SH3D19: variants seen among roughly 807,000 people sequenced by gnomAD.
SH3D19 encodes the protein SH3 domain-containing protein 19.
In SH3D19, 58 loss-of-function variants were observed where a neutral mutation model predicts 112.1. The observed-to-expected ratio is 0.52, with a 90% CI of 0.42 to 0.64. SH3D19 has a LOEUF of 0.64. Among genes scored for constraint, SH3D19 ranks in the 30% least tolerant of loss-of-function variants. The probability of loss-of-function intolerance (pLI) is 0.00; values close to 1 mark genes in which losing one functional copy is unlikely to be tolerated. For missense variants in SH3D19, 1,090 were observed against 1,263.4 expected (o/e 0.86, Z 2.08); for synonymous variants, 391 against 448.5 (o/e 0.87, Z 1.62).
chr4:151,309,241 A>G (rs1174234800), intron 1 of SH3D19, among the ~76,000 whole-genome samples: 1 of 152,178 alleles, frequency 6.6e-6, no homozygotes, highest in Non-Finnish European at 1.5e-5. Flanking sequence ...GAGCATGCCC[A>G]TTTCTTGCAA....
chr4:151,303,078 G>C (rs1728607016), intron 1 of SH3D19, among the ~76,000 whole-genome samples: 1 of 152,168 alleles, frequency 6.6e-6, no homozygotes, highest in East Asian at 1.9e-4. Context: ...AGGTTCTGTT[G>C]GGTCACAAGA....
At chr4:151,324,442 C>T (rs925843430) in intron 1 of SH3D19, among the ~76,000 whole-genome samples, 5 of 152,170 alleles carry the variant, frequency 3.3e-5, no homozygotes, top group Non-Finnish European at 7.4e-5. Flanking sequence ...GTTCTTCCCT[C>T]TTGTTTTCAG....
intron 1 of SH3D19, among the ~76,000 whole-genome samples, chr4:151,267,235 T>C (rs2149994087): frequency 6.6e-6 from 1 of 151,296 alleles, no homozygotes; most frequent in East Asian, 1.9e-4. Context: ...CTCATGAGGC[T>C]GAGGTGGGAG....
intron 9 of SH3D19, among the ~76,000 whole-genome samples, chr4:151,151,902 T>C (rs961451614): frequency 3.3e-5 from 5 of 152,196 alleles, no homozygotes; most frequent in Admixed American, 6.5e-5. Flanking sequence ...ATTTAAAAAA[T>C]AGATATATAA....
At chr4:151,182,456 T>C (rs960157414) in intron 3 of SH3D19, among the ~76,000 whole-genome samples, 1 of 152,212 alleles carries the variant, frequency 6.6e-6, no homozygotes, top group African/African-American at 2.4e-5. Flanking sequence ...TTCTGCCCGT[T>C]CACACCAGAG....
intron 17 of SH3D19, among the ~76,000 whole-genome samples, chr4:151,131,090 T>G (rs1750592075): frequency 6.6e-6 from 1 of 152,180 alleles, no homozygotes; most frequent in African/African-American, 2.4e-5. Context: ...CCTTTCCCTA[T>G]GTTTCCTCTC....
intron 2 of SH3D19, among the ~76,000 whole-genome samples, chr4:151,219,914 C>G (rs1417842418): frequency 6.6e-6 from 1 of 152,154 alleles, no homozygotes. Flanking sequence ...TGAAATGTTT[C>G]CATTTTACTT....
chr4:151,157,602 G>C (rs987561727), intron 9 of SH3D19, among the ~76,000 whole-genome samples: 1 of 152,066 alleles, frequency 6.6e-6, no homozygotes, highest in Non-Finnish European at 1.5e-5. Flanking sequence ...TTTATTCAAA[G>C]GAAAGGAAAT....
chr4:151,181,720 T>C (rs980878928), intron 3 of SH3D19: 1 of 152,096 alleles, frequency 6.6e-6, no homozygotes, highest in African/African-American at 2.4e-5. Flanking sequence ...CTGTGTACTA[T>C]TCATGAGTGC....
intron 7 of SH3D19, among the ~76,000 whole-genome samples, chr4:151,167,010 C>T (rs1758151981): frequency 6.6e-6 from 1 of 152,010 alleles, no homozygotes; most frequent in African/African-American, 2.4e-5. Context: ...TTATCTACCA[C>T]TTAGGAAGGG....
At chr4:151,309,120 T>C (rs1729196792) in intron 1 of SH3D19, among the ~76,000 whole-genome samples, 2 of 152,236 alleles carry the variant, frequency 1.3e-5, no homozygotes, top group African/African-American at 4.8e-5. Flanking sequence ...TCACCCGCCT[T>C]GGTGTCCCAA....
chr4:151,165,585 T>C lies in SH3D19; in HGVS notation c.1642+4A>G. The C allele has an allele frequency of 6.2e-7, 1 of 1,610,412 alleles. No homozygotes were observed. Among genetic ancestry groups the C allele is most frequent in the Non-Finnish European group, 8.5e-7 (1 of 1,176,756 alleles). ...GCTAATAAAGAAAGCAGAGAAGTGC[T>C]TACATTTTCCTGGTTTGGCTGGAAT... On this transcript the variant is annotated splice_donor_region_variant and intron_variant, in intron 8 of 19. Coordinates refer to ENST00000604030, the MANE Select transcript of SH3D19 (RefSeq NM_001378122.1).
chr4:151,290,212 T>G (rs1775191834), intron 1 of SH3D19, among the ~76,000 whole-genome samples: 1 of 152,172 alleles, frequency 6.6e-6, no homozygotes, highest in Admixed American at 6.5e-5. Context: ...CTCAAGGCAC[T>G]AGGATTACAG....
chr4:151,176,886 G>A lies in SH3D19; in HGVS notation c.306C>T (p.Pro102=), dbSNP rs554028608. 4.5e-5 allele frequency: 56 copies of A among 1,232,196 alleles called. 1 individual carries two copies. The East Asian group carries it at 1.7e-3, about 37-fold the overall frequency. 76.3% of individuals were successfully genotyped at this position (1,232,196 alleles called of 1,614,324 possible). Residue 102 remains proline, a synonymous_variant, in exon 5 of 20, where the codon CCC becomes CCT. Coordinates refer to ENST00000604030, the MANE Select transcript of SH3D19 (RefSeq NM_001378122.1). ...RPASWFPGTP[P]PGLGFPTSSA... ...ATGATGTAGGAAATCCCAGTCCTGGGGGTGGGGTTCCTGGAAACCACGAGG... is the reference window on the plus strand; with the variant it reads ...ATGATGTAGGAAATCCCAGTCCTGGAGGTGGGGTTCCTGGAAACCACGAGG...
intron 19 of SH3D19, among the ~76,000 whole-genome samples, chr4:151,125,911 T>C (rs371133029): frequency 3.0e-4 from 41 of 136,136 alleles, no homozygotes; most frequent in African/African-American, 1.0e-3. Context: ...GCTAACAATA[T>C]ATTATAACAG....
In SH3D19 at chr4:151,263,070, G is replaced by A. The variant is rs113921734; in HGVS notation, c.113-36984C>T. The stretch of plus-strand genomic sequence containing the variant: ...ATTTTGAAGAGTCAGCAAGACAGAC[G>A]CAGTTCTGCTGTCCCATAAGCCTAA... On this transcript the variant is annotated intron_variant, in intron 1 of 19. Coordinates refer to ENST00000604030, the MANE Select transcript of SH3D19 (RefSeq NM_001378122.1). Among the ~76,000 whole-genome samples the A allele has an allele frequency of 5.0e-3, 755 of 152,294 alleles. 8 individuals are homozygous for A. Among genetic ancestry groups the A allele is most frequent in the African/African-American group, 0.017 (722 of 41,540 alleles).
At chr4:151,256,696 T>TG (rs986276820) in intron 1 of SH3D19, among the ~76,000 whole-genome samples, 4 of 98,778 alleles carry the variant, frequency 4.0e-5, no homozygotes, top group South Asian at 2.5e-4. Flanking sequence ...GTTTTGTTGT[T>TG]TTTTTTTTTT....
chr4:151,152,421 A>G (rs1381985710), intron 9 of SH3D19, among the ~76,000 whole-genome samples: 3 of 151,168 alleles, frequency 2.0e-5, no homozygotes, highest in Admixed American at 6.6e-5. Flanking sequence ...TCCTGCTTAT[A>G]TTGTCTCTGC....
intron 1 of SH3D19, among the ~76,000 whole-genome samples, chr4:151,315,005 G>T (rs1325147166): frequency 1.3e-5 from 2 of 152,162 alleles, no homozygotes; most frequent in Non-Finnish European, 2.9e-5. Flanking sequence ...TCATTAACAG[G>T]CTGGAAGAAG....
Sources: gnomAD v4.1 joint callset for allele counts (sites outside exome capture counted in the v4.1 genomes callset) on GRCh38, gnomAD v4.1.1 for gene constraint, MANE v1.5 for transcripts, NCBI Gene and HGNC (gene_info 2026-07-23, HGNC 2026-07-21) for gene names.